MYO3B: variants seen among roughly 807,000 people sequenced by gnomAD.
The protein encoded by MYO3B is myosin-IIIb.
MYO3B carries 156 observed loss-of-function variants against 174.6 expected under a neutral mutation model. The ratio of observed to expected loss-of-function variants is 0.89; its 90% CI spans 0.78 to 1.02. The LOEUF (loss-of-function observed/expected upper bound fraction) is 1.02, where lower values mean the gene tolerates loss of function less well. Among genes scored for constraint, MYO3B ranks in the 50% least tolerant of loss-of-function variants. The pLI is 0.00. For synonymous variants in MYO3B, 563 were observed against 569.1 expected (o/e 0.99, Z 0.15); for missense variants, 1,632 against 1,639.4 (o/e 1.00, Z 0.08).
chr2:170,507,455 A>T (rs1256330807), intron 28 of MYO3B, among the ~76,000 whole-genome samples: 1 of 151,672 alleles, frequency 6.6e-6, no homozygotes, highest in Admixed American at 6.6e-5. Flanking sequence ...GCTGGGGTGC[A>T]ATGGTGCGTT....
intron 23 of MYO3B, among the ~76,000 whole-genome samples, chr2:170,461,804 A>G (rs1325511481): frequency 6.6e-6 from 1 of 152,144 alleles, no homozygotes; most frequent in African/African-American, 2.4e-5. Context: ...AGTGGTGGAG[A>G]AATTCCCAAA....
At chr2:170,402,796 T>C in intron 18 of MYO3B, 52 bp from the exon 19 acceptor site, 2 of 1,531,194 alleles carry the variant, frequency 1.3e-6, no homozygotes, top group Non-Finnish European at 1.8e-6. Flanking sequence ...TCTCATCCTC[T>C]TTAGGTGGGT....
At chr2:170,594,674 T>C (rs1412879298) in intron 32 of MYO3B, among the ~76,000 whole-genome samples, 3 of 152,022 alleles carry the variant, frequency 2.0e-5, no homozygotes, top group Non-Finnish European at 1.5e-5. Flanking sequence ...TGTGTTGAGG[T>C]AGACTGTGCT....
At chr2:170,214,344 C>G (rs913687350) in intron 3 of MYO3B, 35 bp from the exon 4 acceptor site, 1 of 1,550,896 alleles carries the variant, frequency 6.4e-7, no homozygotes, top group South Asian at 1.1e-5. Flanking sequence ...CATGTGGTCT[C>G]CTGCTCTCCC....
At chr2:170,220,151 A>G (rs1016247593) in intron 6 of MYO3B, among the ~76,000 whole-genome samples, 9 of 151,984 alleles carry the variant, frequency 5.9e-5, no homozygotes, top group East Asian at 5.9e-4. Context: ...CCAGCTACTC[A>G]GGAGGCTGAG....
At chr2:170,534,738 G>A (rs989413348) in intron 30 of MYO3B, among the ~76,000 whole-genome samples, 4 of 152,124 alleles carry the variant, frequency 2.6e-5, no homozygotes, top group Non-Finnish European at 5.9e-5. Context: ...CCCACACCCA[G>A]CCTCAGTGTC....
intron 3 of MYO3B, among the ~76,000 whole-genome samples, chr2:170,204,925 G>A (rs2092699325): frequency 6.6e-6 from 1 of 152,100 alleles, no homozygotes; most frequent in African/African-American, 2.4e-5. Flanking sequence ...TTAGACAATT[G>A]TCAGTGTACA....
chr2:170,484,675 T>G (rs551013964), intron 25 of MYO3B, among the ~76,000 whole-genome samples: 1 of 152,332 alleles, frequency 6.6e-6, no homozygotes, highest in East Asian at 1.9e-4. Context: ...CACAGATTAG[T>G]GCAATTTCTT....
intron 8 of MYO3B, among the ~76,000 whole-genome samples, chr2:170,338,871 G>C (rs990512133): frequency 2.6e-5 from 4 of 152,148 alleles, no homozygotes. Context: ...CCAAAGTGCT[G>C]GGATTTACAG....
At chr2:170,352,006 G>A (rs2094075721) in intron 8 of MYO3B, among the ~76,000 whole-genome samples, 1 of 152,188 alleles carries the variant, frequency 6.6e-6, no homozygotes, top group African/African-American at 2.4e-5. Flanking sequence ...AGGCTAGAGT[G>A]CAGTGGCATG....
intron 7 of MYO3B, among the ~76,000 whole-genome samples, chr2:170,299,463 T>C (rs1444644479): frequency 2.8e-5 from 4 of 145,186 alleles, no homozygotes; most frequent in African/African-American, 1.1e-4. Context: ...ATGAAATTTC[T>C]TTTTTTTTTA....
At chr2:170,241,333 T>G (rs981907454) in intron 7 of MYO3B, among the ~76,000 whole-genome samples, 3 of 152,224 alleles carry the variant, frequency 2.0e-5, no homozygotes, top group Non-Finnish European at 2.9e-5. Context: ...TGACCTAGTC[T>G]AAGGACTTAG....
intron 7 of MYO3B, among the ~76,000 whole-genome samples, chr2:170,294,869 C>T (rs1436084559): frequency 3.9e-5 from 6 of 152,018 alleles, no homozygotes; most frequent in Admixed American, 2.6e-4. Context: ...GAAGGCTATG[C>T]ACATATAAAG....
At chr2:170,608,677 G>T (rs571867607) in intron 32 of MYO3B, among the ~76,000 whole-genome samples, 31 of 152,128 alleles carry the variant, frequency 2.0e-4, no homozygotes, top group African/African-American at 7.5e-4. Context: ...AAGAGAGAGA[G>T]AGAGAGACAG....
In MYO3B at chr2:170,234,186, A is replaced by AC. The variant is rs1346337153; in HGVS notation, c.604-1805_604-1804insC. Reference sequence around the variant, plus strand: ...ACTCCGTCTCAAAAAAAAAAAAAAAAACAAAACAAAACAAAAAAAAAACAC... The same window carrying AC: ...ACTCCGTCTCAAAAAAAAAAAAAAAACACAAAACAAAACAAAAAAAAAACAC... On this transcript the variant is annotated intron_variant, in intron 6 of 34. Transcript: ENST00000408978. Among the ~76,000 whole-genome samples the AC allele has an allele frequency of 4.7e-4, 19 of 40,198 alleles. 1 individual carries two copies. The East Asian group carries it at 7.5e-3, about 16-fold the overall frequency. 26.4% of individuals were successfully genotyped at this position (40,198 alleles called of 152,430 possible).
At chr2:170,212,157 C>T (rs570090641) in intron 3 of MYO3B, among the ~76,000 whole-genome samples, 12 of 151,602 alleles carry the variant, frequency 7.9e-5, no homozygotes, top group Non-Finnish European at 1.6e-4. Flanking sequence ...GCAGGAGAAT[C>T]GCTTGGACCC....
At chr2:170,312,822 C>T (rs1170633460) in intron 7 of MYO3B, among the ~76,000 whole-genome samples, 1 of 152,136 alleles carries the variant, frequency 6.6e-6, no homozygotes, top group Admixed American at 6.5e-5. Flanking sequence ...GCATGTTTCC[C>T]TACAATTATT....
At chr2:170,377,035 G>A (rs1044053272) in intron 9 of MYO3B, among the ~76,000 whole-genome samples, 8 of 152,096 alleles carry the variant, frequency 5.3e-5, no homozygotes, top group Non-Finnish European at 1.0e-4. Flanking sequence ...TACCTACATG[G>A]AAGCCTCCAC....
intron 22 of MYO3B, among the ~76,000 whole-genome samples, chr2:170,440,395 G>C (rs904419834): frequency 6.6e-6 from 1 of 152,160 alleles, no homozygotes; most frequent in African/African-American, 2.4e-5. Context: ...ACAATGTTAA[G>C]TCTTCCAACC....
Sources: gnomAD v4.1 joint callset for allele counts (sites outside exome capture counted in the v4.1 genomes callset) on GRCh38, gnomAD v4.1.1 for gene constraint, MANE v1.5 for transcripts, NCBI Gene and HGNC (gene_info 2026-07-23, HGNC 2026-07-21) for gene names.